Variants in KCNG3 observed in about 807,000 individuals in gnomAD.
The protein encoded by KCNG3 is potassium voltage-gated channel modifier subfamily G member 3.
KCNG3 carries 15 observed loss-of-function variants against 29.0 expected under a neutral mutation model. The ratio of observed to expected loss-of-function variants is 0.52; its 90% CI spans 0.35 to 0.80. The LOEUF is 0.80. Among genes scored for constraint, KCNG3 ranks in the 30% least tolerant of loss-of-function variants. The pLI is 0.01. For synonymous variants in KCNG3, 322 were observed against 248.9 expected (o/e 1.29, Z -2.76); for missense variants, 512 against 605.7 (o/e 0.85, Z 1.62).
chr2:42,489,003 C>G (rs1158398813), intron 1 of KCNG3, among the ~76,000 whole-genome samples: 2 of 151,934 alleles, frequency 1.3e-5, no homozygotes, highest in Non-Finnish European at 2.9e-5. Flanking sequence ...GAATTATTTC[C>G]TAGTATTTCA....
chr2:42,478,956 ATTTTT>A (rs58327433), intron 1 of KCNG3, among the ~76,000 whole-genome samples: 1 of 143,434 alleles, frequency 7.0e-6, no homozygotes, highest in African/African-American at 2.6e-5. Flanking sequence ...CAGAGTTTGA[ATTTTT>A]TTTTTTTTTT....
chr2:42,444,377 C>T lies in KCNG3; in HGVS notation c.868G>A (p.Val290Ile), dbSNP rs1161267231. Residue 290 changes from valine to isoleucine, a missense_variant, in exon 2 of 2, where the codon GTA (valine) becomes ATA (isoleucine). Val to Ile is a conservative substitution (Grantham distance 29). Around this residue, in one of 5 missense-constraint regions of KCNG3, gnomAD observed 173 missense variants for 262.4 expected, o/e 0.66. Transcript: ENST00000306078. The surrounding 1 kb of genome is among the most constrained non-coding windows in gnomAD (Gnocchi z 5.8). ...QLQRAGVTLR[V>I]LRMMRIFWVI... ...CAAAAAATCCTCATCATTCTAAGTA[C>T]CCTCAAGGTGACTCCAGCCCTCTGG... 3 of 1,614,026 alleles carry T rather than the reference C, an allele frequency of 1.9e-6. No individual in the cohort carries two copies. Among genetic ancestry groups the T allele is most frequent in the African/African-American group, 1.3e-5 (1 of 74,916 alleles).
chr2:42,431,156 G>T, the KCNG3 span, among the ~76,000 whole-genome samples: 1 of 151,016 alleles, frequency 6.6e-6, no homozygotes, highest in Non-Finnish European at 1.5e-5. Flanking sequence ...TTATGAAAAA[G>T]TTGCTATAAT....
At chr2:42,472,890 G>GATAT (rs35812622) in intron 1 of KCNG3, among the ~76,000 whole-genome samples, 95 of 124,130 alleles carry the variant, frequency 7.7e-4, no homozygotes, top group South Asian at 2.3e-3. Flanking sequence ...TCTATCGATA[G>GATAT]ATATATATAT....
intron 1 of KCNG3, among the ~76,000 whole-genome samples, chr2:42,484,128 G>T (rs1241877513): frequency 3.3e-5 from 5 of 152,110 alleles, no homozygotes; most frequent in Admixed American, 6.6e-5. Context: ...AAGGCCAATT[G>T]CTGAACAAGA....
At chr2:42,448,025 G>A (rs192677238) in intron 1 of KCNG3, among the ~76,000 whole-genome samples, 3 of 152,040 alleles carry the variant, frequency 2.0e-5, no homozygotes, top group South Asian at 2.1e-4. Flanking sequence ...TATTCCCCAC[G>A]GCCTCACTAA....
chr2:42,406,973 C>A, the KCNG3 span, among the ~76,000 whole-genome samples: 3 of 151,846 alleles, frequency 2.0e-5, no homozygotes, highest in African/African-American at 7.2e-5. Flanking sequence ...TTGTAGCCAA[C>A]GCTTTTTAAA....
chr2:42,434,849 C>T, the KCNG3 span, among the ~76,000 whole-genome samples: 1 of 151,978 alleles, frequency 6.6e-6, no homozygotes, highest in Non-Finnish European at 1.5e-5. Flanking sequence ...TCAAAAGTGC[C>T]AATACCATTA....
chr2:42,490,004 T>C (rs1200252467), intron 1 of KCNG3, among the ~76,000 whole-genome samples: 1 of 152,334 alleles, frequency 6.6e-6, no homozygotes, highest in Non-Finnish European at 1.5e-5. Flanking sequence ...ATGTACCACA[T>C]GTACTACTTT....
chr2:42,401,251 A>G, the KCNG3 span, among the ~76,000 whole-genome samples: 3 of 149,944 alleles, frequency 2.0e-5, no homozygotes, highest in Non-Finnish European at 4.4e-5. Flanking sequence ...GTATGTATAT[A>G]TGTATAATAT....
chr2:42,405,916 A>AT, the KCNG3 span, among the ~76,000 whole-genome samples: 146 of 150,936 alleles, frequency 9.7e-4, 2 homozygotes, highest in South Asian at 0.029. Flanking sequence ...TAATTTTTGT[A>AT]TTTTTTAGTA....
At chr2:42,456,960 T>C (rs1352809911) in intron 1 of KCNG3, among the ~76,000 whole-genome samples, 4 of 152,204 alleles carry the variant, frequency 2.6e-5, no homozygotes, top group Non-Finnish European at 2.9e-5. Flanking sequence ...GAAAAAAACA[T>C]GATTTTTTTC....
intron 1 of KCNG3, among the ~76,000 whole-genome samples, chr2:42,454,800 C>T (rs1672840396): frequency 6.6e-6 from 1 of 151,872 alleles, no homozygotes; most frequent in Non-Finnish European, 1.5e-5. Context: ...CACAAAAAGA[C>T]AAATACACTG....
chr2:42,481,638 A>T (rs1320109366), intron 1 of KCNG3, among the ~76,000 whole-genome samples: 1 of 152,180 alleles, frequency 6.6e-6, no homozygotes, highest in Non-Finnish European at 1.5e-5. Flanking sequence ...TGCATCTATA[A>T]GGCGCTTCCT....
Position 42,444,674 on chromosome 2 carries a change from T to TG in KCNG3, c.666-96_666-95insC. On this transcript the variant is annotated intron_variant, in intron 1 of 1. Transcript: ENST00000306078. The surrounding 1 kb of genome is among the most constrained non-coding windows in gnomAD (Gnocchi z 5.8). ...AGATAGTACTACACTGACATACTAA[T>TG]TCAGTTACTTTTCCAGAAAACATAA... 2.7e-6 allele frequency: 3 copies of TG among 1,110,760 alleles called. No homozygotes were observed. The highest frequency in any genetic ancestry group is 3.9e-6 in the Non-Finnish European group (3 of 774,984). The allele number at this position is 1,110,760 out of a possible 1,614,324, so 68.8% of individuals were successfully genotyped here. A position where few individuals can be genotyped will look rare whatever the true frequency, so the allele number is the denominator to read the frequency against.
chr2:42,466,334 A>T (rs1427355842), intron 1 of KCNG3, among the ~76,000 whole-genome samples: 1 of 152,180 alleles, frequency 6.6e-6, no homozygotes, highest in Non-Finnish European at 1.5e-5. Flanking sequence ...TGAAACCAGG[A>T]GGCGGAGGTT....
chr2:42,482,481 T>C (rs895732480), intron 1 of KCNG3, among the ~76,000 whole-genome samples: 1 of 152,082 alleles, frequency 6.6e-6, no homozygotes, highest in Non-Finnish European at 1.5e-5. Context: ...TCCCAGCACT[T>C]TGGGAGGCCA....
chr2:42,445,733 CTT>C (rs5830728), intron 1 of KCNG3, among the ~76,000 whole-genome samples: 4 of 150,028 alleles, frequency 2.7e-5, no homozygotes, highest in Non-Finnish European at 1.5e-5. Flanking sequence ...GATAGGATTC[CTT>C]TTTTTTTTTG....
intron 1 of KCNG3, among the ~76,000 whole-genome samples, chr2:42,452,051 A>G (rs2103674049): frequency 6.6e-6 from 1 of 152,114 alleles, no homozygotes; most frequent in South Asian, 2.1e-4. Context: ...CAGTAACAAC[A>G]ACAAAAAAAA....
Sources: gnomAD v4.1 joint callset for allele counts (sites outside exome capture counted in the v4.1 genomes callset) on GRCh38, gnomAD v4.1.1 for gene constraint, gnomAD v4.1.1 regional missense constraint, Gnocchi (gnomAD v3.1) non-coding constraint, MANE v1.5 for transcripts, NCBI Gene and HGNC (gene_info 2026-07-23, HGNC 2026-07-21) for gene names.